Variants in SCRN3 observed in about 807,000 individuals in gnomAD.
SCRN3 encodes secernin-3.
A neutral mutation model predicts 43.1 loss-of-function variants in SCRN3; 39 were observed. The observed-to-expected ratio is 0.91, with a 90% CI of 0.70 to 1.18. The LOEUF is 1.18. SCRN3 is among the 50% of genes most tolerant of loss of function. The pLI, the probability that SCRN3 is intolerant of heterozygous loss-of-function variation, is 0.00. For synonymous variants in SCRN3, 147 were observed against 163.1 expected, an observed-to-expected ratio of 0.90 and a Z score of 0.75; for missense variants, 484 against 498.0, an observed-to-expected ratio of 0.97 and a Z score of 0.27.
chr2:174,400,875 C>G, intron 3 of SCRN3, 115 bp from the exon 4 acceptor site: 3 of 861,754 alleles, frequency 3.5e-6, no homozygotes, highest in Non-Finnish European at 5.2e-6. Context: ...GTCATTTCAT[C>G]TGTTAACTTG....
chr2:174,423,115 T>C, intron 6 of SCRN3, 68 bp downstream of exon 6: 1 of 1,330,312 alleles, frequency 7.5e-7, no homozygotes, highest in African/African-American at 1.5e-5. Flanking sequence ...AGTATGTTAA[T>C]AATTTTGTCA....
At chr2:174,424,406 AAGACTT>A in intron 6 of SCRN3, 63 bp from the exon 7 acceptor site, 1 of 1,117,088 alleles carries the variant, frequency 9.0e-7, no homozygotes, top group African/African-American at 1.6e-5. Flanking sequence ...AGAATCTTAG[AAGACTT>A]AGACTAACAC....
chr2:174,409,834 G>A (rs375024722), intron 5 of SCRN3, among the ~76,000 whole-genome samples: 6 of 142,156 alleles, frequency 4.2e-5, no homozygotes, highest in South Asian at 2.2e-4. Context: ...CTCCAGCTGC[G>A]TGCTGGGAGA....
intron 6 of SCRN3, among the ~76,000 whole-genome samples, chr2:174,423,824 C>T (rs559263836): frequency 1.6e-3 from 220 of 136,272 alleles, no homozygotes; most frequent in African/African-American, 6.1e-3. Context: ...CTTGCTCTGT[C>T]ACCCAGGCTA....
rs74729826 is a variant in SCRN3, at chr2:174,427,871, T to G, written c.1251T>G (p.Asn417Lys). 1 of 1,016,552 alleles carries G rather than the reference T, an allele frequency of 9.8e-7. No individual in the cohort carries two copies. The highest frequency in any genetic ancestry group is 1.4e-6 in the Non-Finnish European group (1 of 695,270). 63.0% of individuals were successfully genotyped at this position (1,016,552 alleles called of 1,614,324 possible). ...ATGAAATTCAAATTTATCAGTCAAA[T>G]TTATCAGTCAAAGTTAGTTCTTAGT... ...TKDEIQIYQS[N>K]LSVKVSS The change falls in exon 8 of 8, where the codon AAT becomes AAG. Residue 417 changes from asparagine (N) to lysine (K), a missense_variant. Coordinates refer to ENST00000272732, the MANE Select transcript of SCRN3 (RefSeq NM_024583.5).
At chr2:174,424,439 T>C (rs372158525) in intron 6 of SCRN3, 36 bp from the exon 7 acceptor site, 51 of 1,389,478 alleles carry the variant, frequency 3.7e-5, no homozygotes, top group Non-Finnish European at 4.8e-5. Flanking sequence ...TTTTTATATA[T>C]TGACATGATA....
chr2:174,396,213 T>C, intron 1 of SCRN3: 2 of 892,132 alleles, frequency 2.2e-6, no homozygotes, highest in African/African-American at 1.8e-5. Context: ...GCCCTGTCTA[T>C]TTTGTACCCA....
chr2:174,404,316 G>A lies in SCRN3; in HGVS notation c.754+1G>A, dbSNP rs778527172. 1.5e-5 allele frequency: 24 copies of A among 1,602,296 alleles called. No individual in the cohort carries two copies. In the East Asian group the frequency reaches 5.1e-4, roughly 34 times the overall value. On this transcript the variant is annotated splice_donor_variant, in intron 5 of 7. Coordinates refer to ENST00000272732, the MANE Select transcript of SCRN3 (RefSeq NM_024583.5). LOFTEE classifies it high-confidence loss of function. ...TACAAGCTTCTAAATAAGCACAAAG[G>A]TAATTTTATCATATAAATAATATTA... is the stretch of plus-strand genomic sequence containing the variant.
intron 1 of SCRN3, chr2:174,397,147 G>A: frequency 1.0e-6 from 1 of 978,740 alleles, no homozygotes; most frequent in Non-Finnish European, 1.2e-6. Flanking sequence ...GAGGAGAAGA[G>A]GAAAACCCTT....
At chr2:174,418,792 T>A (rs1287330220) in intron 5 of SCRN3, among the ~76,000 whole-genome samples, 1 of 152,210 alleles carries the variant, frequency 6.6e-6, no homozygotes, top group African/African-American at 2.4e-5. Context: ...GATGGCAGGT[T>A]TTTGCTTTAT....
intron 5 of SCRN3, among the ~76,000 whole-genome samples, chr2:174,418,310 G>A (rs1215173388): frequency 1.3e-5 from 2 of 152,128 alleles, no homozygotes; most frequent in Non-Finnish European, 2.9e-5. Flanking sequence ...ACAGAAAATT[G>A]TCTACCAGTA....
chr2:174,405,829 G>A (rs1035645199), intron 5 of SCRN3, among the ~76,000 whole-genome samples: 2 of 149,704 alleles, frequency 1.3e-5, no homozygotes, highest in African/African-American at 2.4e-5. Flanking sequence ...CTCTGTTTTG[G>A]TACCAGTACC....
chr2:174,418,180 T>A (rs1686181433), intron 5 of SCRN3, among the ~76,000 whole-genome samples: 1 of 152,222 alleles, frequency 6.6e-6, no homozygotes, highest in Admixed American at 6.5e-5. Context: ...AGATTTGAAA[T>A]GCATACATGA....
At position 174,399,899 on chromosome 2, in the gene SCRN3, CTTT is replaced by C. The variant is rs59353951; in HGVS notation, c.160-7_160-5del. ...TCTGGTTTTGTGGTTCTTGCTATGA[CTTT>C]TTTTTTTTTTTTTTTACAGTGTACA... On this transcript the variant is annotated intron_variant, in intron 2 of 7. Transcript: ENST00000272732. 6.9e-3 allele frequency: 7,886 copies of C among 1,145,794 alleles called. No individual in the cohort carries two copies. The highest frequency in any genetic ancestry group is 7.5e-3 in the Non-Finnish European group (6,744 of 896,172). The allele number at this position is 1,145,794 out of a possible 1,614,324, so 71.0% of individuals were successfully genotyped here.
At chr2:174,417,755 C>T (rs997938506) in intron 5 of SCRN3, among the ~76,000 whole-genome samples, 1 of 152,168 alleles carries the variant, frequency 6.6e-6, no homozygotes, top group Non-Finnish European at 1.5e-5. Context: ...AATGAAGAAA[C>T]CAGCAGTGTT....
chr2:174,412,963 G>C (rs891584251), intron 5 of SCRN3, among the ~76,000 whole-genome samples: 8 of 150,086 alleles, frequency 5.3e-5, no homozygotes, highest in Admixed American at 4.7e-4. Context: ...TGCCTCCCCG[G>C]GTTCAAGCGA....
chr2:174,428,862 A>G lies in SCRN3; in HGVS notation c.*967A>G, dbSNP rs1686574778. ...AAGTAAGACTCAAAATTGCAAATAT[A>G]AACAAAAGAAAAATCCAACTGAAAA... is the stretch of plus-strand genomic sequence containing the variant. On this transcript the variant is annotated 3_prime_UTR_variant, in exon 8 of 8. Transcript: ENST00000272732. 6.6e-6 allele frequency: 1 copy of G among 152,222 alleles called. No homozygotes were observed. The allele number at this position is 152,222 out of a possible 1,614,324, so 9.4% of individuals were successfully genotyped here. A position where few individuals can be genotyped will look rare whatever the true frequency, so the allele number is the denominator to read the frequency against.
At chr2:174,416,405 A>G (rs1202779656) in intron 5 of SCRN3, among the ~76,000 whole-genome samples, 1 of 152,204 alleles carries the variant, frequency 6.6e-6, no homozygotes, top group Non-Finnish European at 1.5e-5. Context: ...GAACAGTTGG[A>G]AATGCCATTT....
chr2:174,401,233 A>G (rs977534038), intron 4 of SCRN3, 44 bp downstream of exon 4: 65 of 1,426,598 alleles, frequency 4.6e-5, no homozygotes, highest in Non-Finnish European at 6.1e-5. Context: ...TGCAATTAAT[A>G]AAATACACCC....
Sources: gnomAD v4.1 joint callset for allele counts (sites outside exome capture counted in the v4.1 genomes callset) on GRCh38, gnomAD v4.1.1 for gene constraint, MANE v1.5 for transcripts, NCBI Gene and HGNC (gene_info 2026-07-23, HGNC 2026-07-21) for gene names.